The following SMARCC2 variants were observed in gnomAD, a reference collection of about 807,000 sequenced individuals.
The protein encoded by SMARCC2 is SWI/SNF complex subunit SMARCC2.
SMARCC2 carries 15 observed loss-of-function variants against 151.3 expected under a neutral mutation model. The observed-to-expected ratio is 0.10, with a 90% CI of 0.07 to 0.15. The LOEUF is 0.15. SMARCC2 is among the 10% of genes least tolerant of loss of function. The pLI is 1.00. For synonymous variants in SMARCC2, 590 were observed against 609.5 expected (o/e 0.97, Z 0.47); for missense variants, 1,031 against 1,599.7 (o/e 0.64, Z 6.06).
In SMARCC2 at chr12:56,187,238, C is replaced by T. The variant is rs755977598; in HGVS notation, c.180G>A (p.Gln60=). 11 of 1,614,050 alleles carry T rather than the reference C, an allele frequency of 6.8e-6. No individual in the cohort carries two copies. Among genetic ancestry groups the T allele is most frequent in the Non-Finnish European group, 9.3e-6 (11 of 1,179,954 alleles). The change falls in exon 2 of 29, where the codon CAG becomes CAA. Residue 60 remains glutamine (Q), a synonymous_variant. Coordinates refer to ENST00000550164, the MANE Select transcript of SMARCC2 (RefSeq NM_001330288.2). ...TGACATGTTTGCCAAAAACTTCTTC[C>T]TGAAATTGTAGCAACTGTACAACCA... ...SSLVVQLLQF[Q]EEVFGKHVSN...
intron 22 of SMARCC2, among the ~76,000 whole-genome samples, chr12:56,170,712 G>A (rs577377650): frequency 7.0e-6 from 1 of 142,594 alleles, no homozygotes; most frequent in South Asian, 2.2e-4. Flanking sequence ...ACTGCACCCA[G>A]CCTTCACAAG....
rs555356784 is a variant in SMARCC2 at position 56,180,158 on chromosome 12, G to A, written c.1081+819C>T. 3.3e-5 allele frequency among the ~76,000 whole-genome samples: 5 copies of A among 151,726 alleles called. No homozygotes were observed. The East Asian group carries it at 9.7e-4, about 30-fold the overall frequency. ...GAGTCTCGCCCTGTTGCCCAGGCTG[G>A]AGTGCAGTGGCGTGATCTCAGCTCA... On this transcript the variant is annotated intron_variant, in intron 11 of 28. Transcript: ENST00000550164.
rs1416505983 is a variant in SMARCC2, at chr12:56,169,516, G to A, written c.2715+13C>T. The A allele has an allele frequency of 1.9e-6, 3 of 1,613,562 alleles. No homozygotes were observed. The highest frequency in any genetic ancestry group is 4.5e-5 in the East Asian group (2 of 44,866). On this transcript the variant is annotated intron_variant, in intron 25 of 28. Coordinates refer to ENST00000550164, the MANE Select transcript of SMARCC2 (RefSeq NM_001330288.2). ...ACATTTTCTTCCCTGAGGTCTTCAA[G>A]GTCTGGCCTCACCTTAGCTTTCACT...
chr12:56,177,700 A>T (rs145032596), intron 15 of SMARCC2, among the ~76,000 whole-genome samples: 64 of 151,986 alleles, frequency 4.2e-4, no homozygotes, highest in Non-Finnish European at 6.8e-4. Flanking sequence ...TTGTGCTAGG[A>T]ATATCTGCAG....
intron 1 of SMARCC2, among the ~76,000 whole-genome samples, chr12:56,188,466 G>C (rs1447678820): frequency 6.6e-6 from 1 of 152,222 alleles, no homozygotes; most frequent in African/African-American, 2.4e-5. Flanking sequence ...TCTGAGGGTA[G>C]TGAGAAAAAG....
In SMARCC2 at chr12:56,171,970, A is replaced by G. The variant is rs774711897; in HGVS notation, c.1927-33T>C. The G allele has an allele frequency of 2.6e-6, 4 of 1,556,318 alleles. No homozygotes were observed. Among genetic ancestry groups the G allele is most frequent in the Non-Finnish European group, 3.5e-6 (4 of 1,149,778 alleles). On this transcript the variant is annotated intron_variant, in intron 20 of 28. Coordinates refer to ENST00000550164, the MANE Select transcript of SMARCC2 (RefSeq NM_001330288.2). This position sits in a 1 kb window ranked among gnomAD's most constrained non-coding sequence, Gnocchi z 4.2. ...TAGTGGTGGAGACATAACTCCGCTT[A>G]CTTAGCCACTTTTCTCGAAGGCTGA...
chr12:56,187,952 T>C (rs1877577123), intron 1 of SMARCC2, among the ~76,000 whole-genome samples: 1 of 152,198 alleles, frequency 6.6e-6, no homozygotes, highest in African/African-American at 2.4e-5. Flanking sequence ...CTGGCCCTAC[T>C]TCTATGTTTC....
chr12:56,170,015 A>C, intron 23 of SMARCC2, 104 bp from the exon 24 acceptor site: 2 of 1,437,672 alleles, frequency 1.4e-6, no homozygotes, highest in Non-Finnish European at 1.9e-6. Context: ...CTTACTTTGG[A>C]GGTGATCTGA....
intron 2 of SMARCC2, 71 bp from the exon 3 acceptor site, chr12:56,186,311 A>C: frequency 1.1e-6 from 1 of 947,340 alleles, no homozygotes; most frequent in Non-Finnish European, 1.7e-6. Context: ...TAATAATCTA[A>C]TAATCCTTTC....
At chr12:56,182,169 A>G (rs936333956) in intron 7 of SMARCC2, 90 bp from the exon 8 acceptor site, 34 of 862,022 alleles carry the variant, frequency 3.9e-5, no homozygotes, top group South Asian at 3.3e-4. Flanking sequence ...CCATTTACAG[A>G]AAGTATTGGG....
chr12:56,187,311 G>C lies in SMARCC2; in HGVS notation c.112-5C>G. On this transcript the variant is annotated splice_polypyrimidine_tract_variant and splice_region_variant and intron_variant, in intron 1 of 28. Coordinates refer to ENST00000550164, the MANE Select transcript of SMARCC2 (RefSeq NM_001330288.2). ...GGGTGGTTCAGCTTGTATATACTAAGGAAAAAGAGGGAAAGGAAAGAAAAA... is the reference window on the plus strand; with the variant it reads ...GGGTGGTTCAGCTTGTATATACTAACGAAAAAGAGGGAAAGGAAAGAAAAA... 6.2e-7 allele frequency: 1 copy of C among 1,605,602 alleles called. No individual in the cohort carries two copies. The highest frequency in any genetic ancestry group is 8.5e-7 in the Non-Finnish European group (1 of 1,175,066).
intron 10 of SMARCC2, 184 bp downstream of exon 10, chr12:56,181,298 G>A: frequency 4.6e-6 from 3 of 652,860 alleles, no homozygotes. Flanking sequence ...GTACTAGTGG[G>A]GCCAGAACCA....
At chr12:56,165,242 G>C (rs1161368288) in intron 27 of SMARCC2, 76 bp downstream of exon 27, 1 of 1,423,342 alleles carries the variant, frequency 7.0e-7, no homozygotes, top group Non-Finnish European at 9.1e-7. Context: ...CACTCATCTT[G>C]TATCCCCTTT....
At chr12:56,187,337 T>C (rs1177304970) in intron 1 of SMARCC2, 31 bp from the exon 2 acceptor site, 3 of 1,601,670 alleles carry the variant, frequency 1.9e-6, no homozygotes, top group Non-Finnish European at 2.6e-6. Context: ...GAAAGAAAAA[T>C]AGATCTCAGA....
At position 56,189,462 on chromosome 12, in the gene SMARCC2, C is replaced by G; in HGVS notation, c.-1G>C. The G allele has an allele frequency of 1.4e-6, 2 of 1,480,210 alleles. No homozygotes were observed. The highest frequency in any genetic ancestry group is 1.8e-6 in the Non-Finnish European group (2 of 1,102,998). The allele number at this position is 1,480,210 out of a possible 1,614,324, so 91.7% of individuals were successfully genotyped here. On this transcript the variant is annotated 5_prime_UTR_variant, in exon 1 of 29. Coordinates refer to ENST00000550164, the MANE Select transcript of SMARCC2 (RefSeq NM_001330288.2). ...CGCCGTCCTTCTTCCGCACCGCCAT[C>G]TTCTCCGGCTCGGGCCCCGCCGCCG...
chr12:56,172,050 T>C lies in SMARCC2; in HGVS notation c.1927-113A>G, dbSNP rs528066182. 28 of 922,638 alleles carry C rather than the reference T, an allele frequency of 3.0e-5. 1 individual carries two copies. The South Asian group carries it at 4.5e-4, about 15-fold the overall frequency. 57.2% of individuals were successfully genotyped at this position (922,638 alleles called of 1,614,324 possible). A position where few individuals can be genotyped will look rare whatever the true frequency, so the allele number is the denominator to read the frequency against. On this transcript the variant is annotated intron_variant, in intron 20 of 28. Transcript: ENST00000550164. ...TTCAAAGTTCTCTATGTTCTGGTAT[T>C]TGTGTACTCTGCTAGGTCCAAGGGG...
chr12:56,188,927 G>C lies in SMARCC2; in HGVS notation c.111+424C>G, dbSNP rs923609650. 3.9e-5 allele frequency among the ~76,000 whole-genome samples: 6 copies of C among 152,080 alleles called. No individual in the cohort carries two copies. The South Asian group carries it at 1.2e-3, about 31-fold the overall frequency. On this transcript the variant is annotated intron_variant, in intron 1 of 28. Coordinates refer to ENST00000550164, the MANE Select transcript of SMARCC2 (RefSeq NM_001330288.2). ...CTCTCTGAACATACACAAAGCACCG[G>C]AGAGGCCTCAGCCCCGCTGGTACCT...
intron 3 of SMARCC2, 174 bp from the exon 4 acceptor site, chr12:56,185,285 TCTC>T (rs1206585203): frequency 3.4e-6 from 2 of 584,134 alleles, no homozygotes; most frequent in Admixed American, 2.6e-5. Context: ...TTCAAGCAAT[TCTC>T]CTGTCTCAGC....
intron 6 of SMARCC2, 50 bp from the exon 7 acceptor site, chr12:56,183,980 A>C (rs1459770222): frequency 7.1e-7 from 1 of 1,406,328 alleles, no homozygotes; most frequent in South Asian, 1.2e-5. Flanking sequence ...GGGGGACACA[A>C]AAAAAATACT....
Sources: allele counts gnomAD v4.1 joint callset (sites outside exome capture counted in the v4.1 genomes callset), GRCh38; gene constraint gnomAD v4.1.1; non-coding constraint Gnocchi (gnomAD v3.1); transcripts MANE v1.5; gene names NCBI Gene and HGNC (gene_info 2026-07-23, HGNC 2026-07-21).